Variants in FSTL1 observed in about 807,000 individuals in gnomAD.
FSTL1 encodes follistatin-related protein 1.
Under a neutral mutation model 45.9 loss-of-function variants are expected in FSTL1, and 24 were observed. The observed-to-expected ratio is 0.52, with a 90% confidence interval of 0.38 to 0.74. The LOEUF is 0.74. Among genes scored for constraint, FSTL1 ranks in the 30% least tolerant of loss-of-function variants. FSTL1 has a pLI of 0.00. For missense variants in FSTL1, 340 were observed against 381.8 expected (o/e 0.89, Z 0.91); for synonymous variants, 120 against 137.6 (o/e 0.87, Z 0.89).
intron 2 of FSTL1, among the ~76,000 whole-genome samples, chr3:120,443,618 ACACACATGCACACATG>A (rs1178945727): frequency 6.7e-6 from 1 of 149,878 alleles, no homozygotes; most frequent in Non-Finnish European, 1.5e-5. Flanking sequence ...TGACACACAC[ACACACATGCACACATG>A]CATGCACATA....
chr3:120,416,761 G>T (rs1937193551), intron 2 of FSTL1, among the ~76,000 whole-genome samples: 1 of 152,172 alleles, frequency 6.6e-6, no homozygotes, highest in Admixed American at 6.5e-5. Context: ...GATTAAGAGG[G>T]CGAAGCTGCC....
At chr3:120,424,037 A>G (rs1937331801) in intron 2 of FSTL1, 1 of 152,268 alleles carries the variant, frequency 6.6e-6, no homozygotes, top group Non-Finnish European at 1.5e-5. Flanking sequence ...ATGGCCAAGG[A>G]AAATGATTTA....
rs144521183 is a variant in FSTL1 at position 120,431,917 on chromosome 3, G to C, written c.64-15890C>G. ...ATAGGCAGGCGTCATGGGCACTTAG[G>C]CTGAATTCTGGCTGTTTTCAATGCC... On this transcript the variant is annotated intron_variant, in intron 2 of 10. Transcript: ENST00000295633. Among the ~76,000 whole-genome samples, 235 of 152,268 alleles carry C rather than the reference G, an allele frequency of 1.5e-3. 3 individuals are homozygous for C. Among genetic ancestry groups the C allele is most frequent in the African/African-American group, 5.5e-3 (229 of 41,552 alleles).
Position 120,438,238 on chromosome 3 carries a change from C to G in FSTL1, c.63+12446G>C, listed in dbSNP as rs57516327. On this transcript the variant is annotated intron_variant, in intron 2 of 10. Transcript: ENST00000295633. ...AGTAAGTTCAATAAATCCCAAACTGCACACTCTGAATTAGGGGTTGTCTTC... is the reference window on the plus strand; with the variant it reads ...AGTAAGTTCAATAAATCCCAAACTGGACACTCTGAATTAGGGGTTGTCTTC... 2.7e-5 allele frequency: 4 copies of G among 149,150 alleles called. No homozygotes were observed. In the East Asian group the frequency reaches 8.2e-4, roughly 30 times the overall value. The allele number at this position is 149,150 out of a possible 1,614,324, so 9.2% of individuals were successfully genotyped here.
chr3:120,422,112 A>G (rs1171975195), intron 2 of FSTL1, among the ~76,000 whole-genome samples: 1 of 152,162 alleles, frequency 6.6e-6, no homozygotes, highest in Non-Finnish European at 1.5e-5. Context: ...AGTAGACTCT[A>G]AGAGCCTTGC....
At chr3:120,411,116 C>T in intron 4 of FSTL1, 132 bp from the exon 5 acceptor site, 1 of 618,666 alleles carries the variant, frequency 1.6e-6, no homozygotes, top group South Asian at 2.0e-5. Context: ...GTCTTGAATC[C>T]TTTCCCTTCC....
In FSTL1 at chr3:120,404,008, A is replaced by C. The variant is rs543750326; in HGVS notation, c.582-654T>G. Among the ~76,000 whole-genome samples, 99 of 151,040 alleles carry C rather than the reference A, an allele frequency of 6.6e-4. 1 individual carries two copies. The highest frequency in any genetic ancestry group is 1.8e-3 in the Admixed American group (28 of 15,206). ...CAAAAAACAAAACAAACAAAAAAAA[A>C]CTCAGCTCCATCACTTCTTTCTTGG... is the stretch of plus-strand genomic sequence containing the variant. On this transcript the variant is annotated intron_variant, in intron 7 of 10. Transcript: ENST00000295633.
intron 9 of FSTL1, among the ~76,000 whole-genome samples, chr3:120,400,692 G>A (rs1417296365): frequency 6.6e-6 from 1 of 152,108 alleles, no homozygotes; most frequent in Non-Finnish European, 1.5e-5. Flanking sequence ...CCTCCTCCTG[G>A]CTTCAAATTT....
intron 2 of FSTL1, among the ~76,000 whole-genome samples, chr3:120,433,214 T>C (rs1001454096): frequency 6.6e-6 from 1 of 152,186 alleles, no homozygotes; most frequent in Non-Finnish European, 1.5e-5. Context: ...AATAAAAATA[T>C]TTACTATTCA....
At chr3:120,426,928 G>A (rs1034383370) in intron 2 of FSTL1, among the ~76,000 whole-genome samples, 4 of 152,174 alleles carry the variant, frequency 2.6e-5, no homozygotes, top group Non-Finnish European at 4.4e-5. Flanking sequence ...GTGTCTGTAA[G>A]CAGAGCAGGT....
At chr3:120,407,650 G>A (rs1392291330) in intron 6 of FSTL1, among the ~76,000 whole-genome samples, 8 of 152,214 alleles carry the variant, frequency 5.3e-5, no homozygotes, top group African/African-American at 1.9e-4. Context: ...TCACCAACAG[G>A]CAGCTGCTGA....
At chr3:120,406,958 C>T (rs982441094) in intron 6 of FSTL1, among the ~76,000 whole-genome samples, 1 of 152,086 alleles carries the variant, frequency 6.6e-6, no homozygotes, top group African/African-American at 2.4e-5. Context: ...TTCCTATATA[C>T]CTTACACATA....
intron 2 of FSTL1, among the ~76,000 whole-genome samples, chr3:120,447,417 G>A (rs935586224): frequency 1.3e-5 from 2 of 152,134 alleles, no homozygotes; most frequent in African/African-American, 2.4e-5. Context: ...AGAGACATAT[G>A]CTACACCCAG....
At chr3:120,414,898 T>G (rs1384090980) in intron 3 of FSTL1, among the ~76,000 whole-genome samples, 1 of 150,720 alleles carries the variant, frequency 6.6e-6, no homozygotes, top group Non-Finnish European at 1.5e-5. Flanking sequence ...GAGACCTTTG[T>G]TCACTTGTTT....
At chr3:120,423,317 T>C (rs2700260) in intron 2 of FSTL1, 38,015 of 151,536 alleles carry the variant, frequency 0.25, 5,773 homozygotes, top group Middle Eastern at 0.36. Context: ...TAGAGCTTTC[T>C]TGAGGTGGCC....
chr3:120,403,000 CT>C, intron 8 of FSTL1, 82 bp from the exon 9 acceptor site: 4 of 941,100 alleles, frequency 4.3e-6, no homozygotes, highest in Non-Finnish European at 7.1e-6. Context: ...GCACCTTACC[CT>C]TTTTTCCCAG....
At chr3:120,445,482 T>C (rs1344681955) in intron 2 of FSTL1, among the ~76,000 whole-genome samples, 3 of 149,178 alleles carry the variant, frequency 2.0e-5, no homozygotes, top group Non-Finnish European at 4.4e-5. Context: ...ATCCCTCATT[T>C]TCTTCATGGT....
intron 3 of FSTL1, among the ~76,000 whole-genome samples, chr3:120,412,838 G>GCGCGCGCGCA (rs1429168694): frequency 1.5e-4 from 16 of 106,188 alleles, no homozygotes; most frequent in East Asian, 1.2e-3. Context: ...GCGCGCGCGC[G>GCGCGCGCGCA]CACACACACA....
intron 2 of FSTL1, among the ~76,000 whole-genome samples, chr3:120,427,419 T>C (rs1937401032): frequency 6.6e-6 from 1 of 152,226 alleles, no homozygotes; most frequent in Non-Finnish European, 1.5e-5. Context: ...GTATACCTTG[T>C]GCCACTCCAT....
Sources: allele counts gnomAD v4.1 joint callset (sites outside exome capture counted in the v4.1 genomes callset), GRCh38; gene constraint gnomAD v4.1.1; transcripts MANE v1.5; gene names NCBI Gene and HGNC (gene_info 2026-07-23, HGNC 2026-07-21).